SCLT1: variants seen among roughly 807,000 people sequenced by gnomAD.
The protein encoded by SCLT1 is sodium channel and clathrin linker 1.
A neutral mutation model predicts 112.8 loss-of-function variants in SCLT1; 78 were observed. The observed-to-expected ratio is 0.69, with a 90% CI of 0.58 to 0.83. The LOEUF is 0.83. Among genes scored for constraint, SCLT1 ranks in the 40% least tolerant of loss-of-function variants. The pLI is 0.00. For synonymous variants in SCLT1, 257 were observed against 254.7 expected (o/e 1.01, Z -0.09); for missense variants, 747 against 770.4 (o/e 0.97, Z 0.36).
chr4:129,070,599 G>T (rs112442744), intron 2 of SCLT1, among the ~76,000 whole-genome samples: 4,726 of 152,208 alleles, frequency 0.031, 93 homozygotes, highest in South Asian at 0.052. Flanking sequence ...GGTGACAGTT[G>T]TAATACCTCG....
At position 128,992,214 on chromosome 4, in the gene SCLT1, T is replaced by C. The variant is rs1441578115; in HGVS notation, c.639A>G (p.Thr213=). The change falls in exon 9 of 21, where the codon ACA becomes ACG. Residue 213 remains threonine, a synonymous_variant. Coordinates refer to ENST00000281142, the MANE Select transcript of SCLT1 (RefSeq NM_144643.4). The stretch of plus-strand genomic sequence containing the variant: ...CGATTATCACACTTTGTTCAGTTAC[T>C]GTTTTCAGAAACTGTTGGTTAGTCT... ...MEVTNQQFLK[T]VTEQSVIIEQ... 1.2e-6 allele frequency: 2 copies of C among 1,601,882 alleles called. No individual in the cohort carries two copies. The highest frequency in any genetic ancestry group is 1.7e-6 in the Non-Finnish European group (2 of 1,173,242).
At chr4:128,892,225 G>C (rs1195262689) in intron 18 of SCLT1, among the ~76,000 whole-genome samples, 1 of 152,044 alleles carries the variant, frequency 6.6e-6, no homozygotes, top group Admixed American at 6.6e-5. Flanking sequence ...TCAGGTTAAG[G>C]GTACATACAA....
intron 5 of SCLT1, among the ~76,000 whole-genome samples, chr4:129,022,345 C>T (rs1240959067): frequency 1.3e-5 from 2 of 152,180 alleles, no homozygotes; most frequent in Admixed American, 6.5e-5. Flanking sequence ...AAAAAAACTC[C>T]TCTGCGTTAA....
intron 4 of SCLT1, chr4:128,876,453 A>AC (rs1380036110): frequency 2.0e-5 from 3 of 152,194 alleles, no homozygotes; most frequent in Non-Finnish European, 2.9e-5. Flanking sequence ...GAAATGTCAC[A>AC]CCAGGGACTC....
At chr4:128,946,234 G>T in intron 15 of SCLT1, 82 bp from the exon 16 acceptor site, 2 of 832,184 alleles carry the variant, frequency 2.4e-6, no homozygotes, top group Non-Finnish European at 1.8e-6. Flanking sequence ...ATCAATGGAA[G>T]AAATAAAAAG....
intron 8 of SCLT1, among the ~76,000 whole-genome samples, chr4:128,995,884 T>C (rs1230736934): frequency 6.6e-6 from 1 of 152,018 alleles, no homozygotes; most frequent in Non-Finnish European, 1.5e-5. Context: ...TGAATTTTCA[T>C]CTACTTACTC....
At chr4:129,013,560 G>A (rs1360497135) in intron 5 of SCLT1, among the ~76,000 whole-genome samples, 2 of 152,056 alleles carry the variant, frequency 1.3e-5, no homozygotes, top group African/African-American at 2.4e-5. Flanking sequence ...TTTCTCCTTC[G>A]CTTATGAAGT....
At chr4:129,016,576 T>C (rs1442290445) in intron 5 of SCLT1, among the ~76,000 whole-genome samples, 1 of 152,238 alleles carries the variant, frequency 6.6e-6, no homozygotes, top group Non-Finnish European at 1.5e-5. Context: ...CTAGATATTA[T>C]ACATTTAAAA....
At chr4:129,068,224 G>C (rs143821736) in intron 2 of SCLT1, among the ~76,000 whole-genome samples, 90 of 152,134 alleles carry the variant, frequency 5.9e-4, no homozygotes, top group African/African-American at 2.1e-3. Flanking sequence ...ATGTGTGTGT[G>C]TGTGTATATA....
At position 129,046,090 on chromosome 4, in the gene SCLT1, TA is replaced by T. The variant is rs1179075854; in HGVS notation, c.103-2040del. On this transcript the variant is annotated intron_variant, in intron 2 of 20. Transcript: ENST00000281142. ...CACATACAGAAGACAGTACAAATTA[TA>T]AGTATACAGCTAAATAATTCTCACA... Among the ~76,000 whole-genome samples the T allele has an allele frequency of 4.6e-5, 7 of 152,258 alleles. No individual in the cohort carries two copies. In the East Asian group the frequency reaches 1.3e-3, roughly 29 times the overall value.
chr4:129,020,196 ACTT>A (rs371215567), intron 5 of SCLT1, among the ~76,000 whole-genome samples: 2 of 152,308 alleles, frequency 1.3e-5, no homozygotes, highest in African/African-American at 4.8e-5. Context: ...ATGAAATTCT[ACTT>A]CTTCTGACTG....
chr4:128,906,364 A>T (rs886640838), intron 18 of SCLT1, among the ~76,000 whole-genome samples: 3 of 151,742 alleles, frequency 2.0e-5, no homozygotes, highest in South Asian at 2.1e-4. Context: ...CACCTGGCTA[A>T]TTTTTTTCTA....
chr4:128,991,860 A>G (rs1742602925), intron 9 of SCLT1, among the ~76,000 whole-genome samples: 2 of 151,900 alleles, frequency 1.3e-5, no homozygotes, highest in African/African-American at 2.4e-5. Context: ...ACTAGGTATT[A>G]TAAGTTATCA....
At chr4:129,007,902 T>A (rs912597012) in intron 5 of SCLT1, among the ~76,000 whole-genome samples, 6 of 152,162 alleles carry the variant, frequency 3.9e-5, no homozygotes, top group African/African-American at 1.4e-4. Context: ...AGTGATAGAA[T>A]CTTTTAGTTT....
At chr4:128,879,023 A>C (rs906685298), downstream of SCLT1, among the ~76,000 whole-genome samples, 1 of 152,062 alleles carries the variant, frequency 6.6e-6, no homozygotes, top group Non-Finnish European at 1.5e-5. Flanking sequence ...GATATAACTA[A>C]TGTAAATGAC....
chr4:129,002,156 T>G (rs1361963824), intron 6 of SCLT1, among the ~76,000 whole-genome samples: 8 of 151,998 alleles, frequency 5.3e-5, no homozygotes, highest in Non-Finnish European at 1.2e-4. Flanking sequence ...CAAATCAAAA[T>G]TGTAATTTAG....
intron 17 of SCLT1, among the ~76,000 whole-genome samples, chr4:128,937,800 A>C (rs759069642): frequency 6.6e-6 from 1 of 152,186 alleles, no homozygotes; most frequent in Non-Finnish European, 1.5e-5. Context: ...ATGAACTTAT[A>C]AGTAAATGCT....
At chr4:128,885,028 A>G (rs1732783752) in intron 20 of SCLT1, among the ~76,000 whole-genome samples, 1 of 152,206 alleles carries the variant, frequency 6.6e-6, no homozygotes, top group Non-Finnish European at 1.5e-5. Flanking sequence ...GTCAAATAAG[A>G]CATTCTATAG....
chr4:129,008,361 C>T (rs951216417), intron 5 of SCLT1, among the ~76,000 whole-genome samples: 3 of 152,112 alleles, frequency 2.0e-5, no homozygotes, highest in African/African-American at 7.2e-5. Context: ...CCATGTCTCT[C>T]GATTTCTATC....
Sources: allele counts gnomAD v4.1 joint callset (sites outside exome capture counted in the v4.1 genomes callset), GRCh38; gene constraint gnomAD v4.1.1; transcripts MANE v1.5; gene names NCBI Gene and HGNC (gene_info 2026-07-23, HGNC 2026-07-21).